KCNAB1: variants seen among roughly 807,000 people sequenced by gnomAD.
The protein encoded by KCNAB1 is voltage-gated potassium channel subunit beta-1.
A neutral mutation model predicts 64.6 loss-of-function variants in KCNAB1; 35 were observed. The observed-to-expected ratio is 0.54, with a 90% CI of 0.41 to 0.72. The LOEUF (loss-of-function observed/expected upper bound fraction) is 0.72. KCNAB1 is among the 30% of genes least tolerant of loss of function. The pLI, the probability that KCNAB1 is intolerant of heterozygous loss-of-function variation, is 0.00. For missense variants in KCNAB1, 401 were observed against 512.9 expected, an observed-to-expected ratio of 0.78 and a Z score of 2.11; for synonymous variants, 177 against 183.8, an observed-to-expected ratio of 0.96 and a Z score of 0.30.
At chr3:156,388,981 G>C (rs1453546497) in intron 1 of KCNAB1, among the ~76,000 whole-genome samples, 1 of 152,224 alleles carries the variant, frequency 6.6e-6, no homozygotes, top group African/African-American at 2.4e-5. Flanking sequence ...GGCTGTGATG[G>C]TGCAGGTGTT....
intron 1 of KCNAB1, among the ~76,000 whole-genome samples, chr3:156,311,196 C>T (rs569773097): frequency 4.6e-5 from 7 of 152,020 alleles, no homozygotes; most frequent in African/African-American, 1.2e-4. Flanking sequence ...AATCTTAGAA[C>T]GTGGTTTAAG....
At chr3:156,159,977 T>TA (rs1191152481) in intron 1 of KCNAB1, among the ~76,000 whole-genome samples, 1 of 152,216 alleles carries the variant, frequency 6.6e-6, no homozygotes, top group Non-Finnish European at 1.5e-5. Context: ...ACCAGGTAGT[T>TA]AGAGTCTGGC....
intron 1 of KCNAB1, among the ~76,000 whole-genome samples, chr3:156,211,088 G>C (rs1714974476): frequency 6.6e-6 from 1 of 152,118 alleles, no homozygotes; most frequent in East Asian, 1.9e-4. Context: ...ATGGTCCTCA[G>C]TATGAGTGTG....
intron 1 of KCNAB1, among the ~76,000 whole-genome samples, chr3:156,326,697 T>C (rs1018858069): frequency 1.5e-4 from 23 of 152,158 alleles, no homozygotes; most frequent in Non-Finnish European, 8.8e-5. Flanking sequence ...TCTCTCTACC[T>C]GGAAAGCTCT....
chr3:156,465,140 G>A (rs991569049), intron 6 of KCNAB1, among the ~76,000 whole-genome samples: 1 of 152,018 alleles, frequency 6.6e-6, no homozygotes, highest in Non-Finnish European at 1.5e-5. Context: ...GTCTTCTGGG[G>A]GTACGAATTT....
intron 1 of KCNAB1, among the ~76,000 whole-genome samples, chr3:156,240,139 T>C (rs184030278): frequency 2.0e-5 from 3 of 152,248 alleles, no homozygotes; most frequent in African/African-American, 7.2e-5. Context: ...TAAATTTTCC[T>C]AGCTTTGGAT....
intron 1 of KCNAB1, among the ~76,000 whole-genome samples, chr3:156,304,522 G>T (rs1001027914): frequency 6.6e-6 from 1 of 152,132 alleles, no homozygotes; most frequent in Non-Finnish European, 1.5e-5. Context: ...ACTGACCAGC[G>T]TATGTTTATA....
At chr3:156,437,240 A>C (rs1362465818) in intron 2 of KCNAB1, among the ~76,000 whole-genome samples, 3 of 152,224 alleles carry the variant, frequency 2.0e-5, no homozygotes, top group Non-Finnish European at 4.4e-5. Flanking sequence ...ACATGAAAAC[A>C]GTGGATTTTC....
chr3:156,220,729 C>A (rs1193733721), intron 1 of KCNAB1, among the ~76,000 whole-genome samples: 1 of 152,116 alleles, frequency 6.6e-6, no homozygotes, highest in African/African-American at 2.4e-5. Context: ...AATTAGATCC[C>A]ATTTGTCTAT....
chr3:156,441,061 C>A (rs1423651498), intron 2 of KCNAB1: 2 of 152,158 alleles, frequency 1.3e-5, no homozygotes, highest in East Asian at 3.9e-4. Context: ...TTCATATATA[C>A]CTCAAGAGGA....
chr3:156,480,814 C>T lies in KCNAB1; in HGVS notation c.658+5994C>T, dbSNP rs74780119. ...CCACATGTGGCTAGTAGCTACTGTA[C>T]TTGACCACGCAGGCTTATAAACCAT... On this transcript the variant is annotated intron_variant, in intron 8 of 13. Coordinates refer to ENST00000490337, the MANE Select transcript of KCNAB1 (RefSeq NM_172160.3). Among the ~76,000 whole-genome samples, 259 of 152,208 alleles carry T rather than the reference C, an allele frequency of 1.7e-3. No homozygotes were observed. In the Middle Eastern group the frequency reaches 0.02, roughly 12 times the overall value.
intron 11 of KCNAB1, among the ~76,000 whole-genome samples, chr3:156,518,532 A>T (rs1483457862): frequency 6.6e-6 from 1 of 150,864 alleles, no homozygotes; most frequent in Non-Finnish European, 1.5e-5. Context: ...TATCTGGGCA[A>T]GTAGATAAAT....
intron 6 of KCNAB1, among the ~76,000 whole-genome samples, chr3:156,464,382 G>T (rs1164641252): frequency 1.3e-5 from 2 of 152,214 alleles, no homozygotes; most frequent in East Asian, 3.9e-4. Flanking sequence ...GACTTAGAAG[G>T]CTGGCCTTTT....
At chr3:156,425,806 G>A (rs1715775117) in intron 2 of KCNAB1, among the ~76,000 whole-genome samples, 3 of 152,190 alleles carry the variant, frequency 2.0e-5, no homozygotes, top group Admixed American at 6.5e-5. Flanking sequence ...GACAGATGCC[G>A]TAATGGAGAG....
chr3:156,395,413 C>A (rs1215583307), intron 1 of KCNAB1, among the ~76,000 whole-genome samples: 1 of 148,630 alleles, frequency 6.7e-6, no homozygotes, highest in East Asian at 2.0e-4. Flanking sequence ...GGCGTAGTGG[C>A]GGGCGCCTGT....
intron 1 of KCNAB1, among the ~76,000 whole-genome samples, chr3:156,306,513 A>T (rs1721503401): frequency 6.6e-6 from 1 of 152,194 alleles, no homozygotes; most frequent in South Asian, 2.1e-4. Context: ...CATTCAAGCA[A>T]GTAGCTTATG....
intron 1 of KCNAB1, among the ~76,000 whole-genome samples, chr3:156,147,460 A>G (rs1715105018): frequency 6.6e-6 from 1 of 152,188 alleles, no homozygotes; most frequent in Admixed American, 6.5e-5. Flanking sequence ...GAAAAAAGTG[A>G]CATTGTTTAA....
At chr3:156,523,499 G>C (rs545725937) in intron 11 of KCNAB1, among the ~76,000 whole-genome samples, 1 of 152,026 alleles carries the variant, frequency 6.6e-6, no homozygotes, top group Non-Finnish European at 1.5e-5. Context: ...CTAAAGTTGG[G>C]CTATCCCAAT....
chr3:156,190,302 TG>T (rs1713481992), intron 1 of KCNAB1, among the ~76,000 whole-genome samples: 1 of 152,208 alleles, frequency 6.6e-6, no homozygotes, highest in African/African-American at 2.4e-5. Context: ...ACCAGTAGAC[TG>T]TGATTTTTTT....
Sources: allele counts gnomAD v4.1 joint callset (sites outside exome capture counted in the v4.1 genomes callset), GRCh38; gene constraint gnomAD v4.1.1; transcripts MANE v1.5; gene names NCBI Gene and HGNC (gene_info 2026-07-23, HGNC 2026-07-21).